The following ANK3 variants were observed in gnomAD, a reference collection of about 807,000 sequenced individuals.
ANK3 encodes the protein ankyrin-3.
Under a neutral mutation model 370.9 loss-of-function variants are expected in ANK3, and 57 were observed. That is an observed-to-expected ratio of 0.15 (90% confidence interval 0.12 to 0.19). The LOEUF (loss-of-function observed/expected upper bound fraction) is 0.19. ANK3 is among the 10% of genes least tolerant of loss of function. The pLI is 1.00. For synonymous variants in ANK3, 1,929 were observed against 1,946.3 expected, an observed-to-expected ratio of 0.99 and a Z score of 0.23; for missense variants, 4,439 against 5,302.1, an observed-to-expected ratio of 0.84 and a Z score of 5.06.
intron 2 of ANK3, among the ~76,000 whole-genome samples, chr10:60,438,163 T>C (rs1366605928): frequency 1.3e-5 from 2 of 152,086 alleles, no homozygotes; most frequent in Non-Finnish European, 2.9e-5. Flanking sequence ...GGAACACACC[T>C]AGCTTAAACA....
At position 60,075,223 on chromosome 10, in the gene ANK3, G is replaced by C. The variant is rs2083508954; in HGVS notation, c.5658C>G (p.Ala1886=). 1.2e-6 allele frequency: 2 copies of C among 1,613,942 alleles called. No individual in the cohort carries two copies. Among genetic ancestry groups the C allele is most frequent in the Admixed American group, 3.3e-5 (2 of 59,990 alleles). The part of the protein sequence containing the change: ...VKSSLFLAPS[A]LKLSTPSSLS... Reference sequence around the variant, plus strand: ...AAGAAGATGGTGTAGACAACTTAAGGGCAGAGGGTGCAAGGAACAAAGATG... The same window carrying C: ...AAGAAGATGGTGTAGACAACTTAAGCGCAGAGGGTGCAAGGAACAAAGATG... The change falls in exon 37 of 44, where the codon GCC becomes GCG. Residue 1886 remains alanine, a synonymous_variant. Transcript: ENST00000280772.
At chr10:60,076,521 G>GA (rs1358826907) in intron 36 of ANK3, 73 bp from the exon 37 acceptor site, 5 of 1,481,450 alleles carry the variant, frequency 3.4e-6, no homozygotes, top group South Asian at 1.5e-5. Context: ...AGAGACCAGA[G>GA]AAAAAAATTG....
intron 2 of ANK3, among the ~76,000 whole-genome samples, chr10:60,542,350 G>A (rs1273692462): frequency 2.0e-5 from 3 of 151,576 alleles, no homozygotes; most frequent in African/African-American, 4.8e-5. Context: ...CCTTACTTTG[G>A]GAATGACATT....
chr10:60,060,041 G>A (rs752356485), intron 40 of ANK3: 1 of 1,476,706 alleles, frequency 6.8e-7, no homozygotes, highest in Non-Finnish European at 9.1e-7. Context: ...TGACTGGAAT[G>A]AATTAGAATA....
intron 1 of ANK3, among the ~76,000 whole-genome samples, chr10:60,674,036 T>C (rs575762924): frequency 6.6e-6 from 1 of 152,170 alleles, no homozygotes; most frequent in Non-Finnish European, 1.5e-5. Flanking sequence ...GAGCCATAAA[T>C]GTTTAGTAGC....
Position 60,076,050 on chromosome 10 carries a change from A to C in ANK3, c.4831T>G (p.Leu1611Val), listed in dbSNP as rs1208643681. The C allele has an allele frequency of 2.5e-6, 4 of 1,614,078 alleles. No homozygotes were observed. The highest frequency in any genetic ancestry group is 3.4e-6 in the Non-Finnish European group (4 of 1,180,020). Residue 1611 changes from leucine to valine, a missense_variant, in exon 37 of 44, where the codon TTA becomes GTA. By Grantham distance (32) the Leu-to-Val change is conservative (BLOSUM62 1). Transcript: ENST00000280772. ...RAPAVTEATPLKGLASNSTFS... is the reference protein window; with the variant it reads ...RAPAVTEATPVKGLASNSTFS... ...GTAGAATTGGATGCCAGCCCTTTTA[A>C]GGGCGTAGCTTCCGTGACTGCTGGA...
In ANK3 at chr10:60,059,528, A is replaced by G. The variant is rs551070454; in HGVS notation, c.12596-98T>C. 8.7e-5 allele frequency: 110 copies of G among 1,260,442 alleles called. No individual in the cohort carries two copies. In the African/African-American group the frequency reaches 1.4e-3, roughly 16 times the overall value. 78.1% of individuals were successfully genotyped at this position (1,260,442 alleles called of 1,614,324 possible). A position where few individuals can be genotyped will look rare whatever the true frequency, so the allele number is the denominator to read the frequency against. Reference sequence around the variant, plus strand: ...TCTCCTCAGACTCTACTCCTTCTTCAAGTTGAATGTCCTCAAATAGAGATT... The same window carrying G: ...TCTCCTCAGACTCTACTCCTTCTTCGAGTTGAATGTCCTCAAATAGAGATT... On this transcript the variant is annotated intron_variant, in intron 40 of 43. Coordinates refer to ENST00000280772, the MANE Select transcript of ANK3 (RefSeq NM_020987.5).
At chr10:60,237,606 T>A (rs1413705805) in intron 7 of ANK3, among the ~76,000 whole-genome samples, 1 of 152,010 alleles carries the variant, frequency 6.6e-6, no homozygotes, top group Non-Finnish European at 1.5e-5. Flanking sequence ...TCTCTTTTTT[T>A]TAAATTTAAT....
chr10:60,426,082 G>T (rs1181247646), intron 2 of ANK3, among the ~76,000 whole-genome samples: 1 of 151,990 alleles, frequency 6.6e-6, no homozygotes, highest in Non-Finnish European at 1.5e-5. Context: ...AGCTTGAAGT[G>T]GTATACAAAT....
chr10:60,382,983 A>G (rs917621511), intron 1 of ANK3, among the ~76,000 whole-genome samples: 15 of 152,086 alleles, frequency 9.9e-5, no homozygotes, highest in African/African-American at 3.4e-4. Context: ...AACTTTCAAC[A>G]TCTCAAAAGT....
At chr10:60,698,650 G>A (rs960345487) in intron 1 of ANK3, among the ~76,000 whole-genome samples, 1 of 145,218 alleles carries the variant, frequency 6.9e-6, no homozygotes, top group Non-Finnish European at 1.5e-5. Flanking sequence ...ACTATCGCAA[G>A]AACAAAAAAC....
At chr10:60,312,001 A>G (rs2046449943) in intron 1 of ANK3, among the ~76,000 whole-genome samples, 1 of 152,208 alleles carries the variant, frequency 6.6e-6, no homozygotes, top group Non-Finnish European at 1.5e-5. Context: ...CATCTTGTGA[A>G]CAGTACCAGG....
intron 37 of ANK3, 55 bp downstream of exon 37, chr10:60,068,582 C>A: frequency 6.6e-7 from 1 of 1,516,548 alleles, no homozygotes; most frequent in South Asian, 1.3e-5. Flanking sequence ...AAACTATGCT[C>A]GTTCTCCAGG....
chr10:60,260,661 G>C (rs868560199), intron 7 of ANK3, among the ~76,000 whole-genome samples: 7 of 152,168 alleles, frequency 4.6e-5, no homozygotes, highest in Admixed American at 1.3e-4. Context: ...TCTGCTTGGT[G>C]CTGTCCTTGT....
chr10:60,491,465 G>A (rs974102354), intron 2 of ANK3, among the ~76,000 whole-genome samples: 6 of 152,186 alleles, frequency 3.9e-5, no homozygotes, highest in Non-Finnish European at 7.4e-5. Flanking sequence ...TGAGAGAAAT[G>A]TTGACTCATT....
At chr10:60,238,678 A>T (rs1157476530) in intron 7 of ANK3, among the ~76,000 whole-genome samples, 3 of 152,022 alleles carry the variant, frequency 2.0e-5, no homozygotes, top group Admixed American at 2.0e-4. Context: ...AAATTCTCTG[A>T]TGCCCCAGAC....
At chr10:60,499,141 T>C (rs575215274) in intron 2 of ANK3, among the ~76,000 whole-genome samples, 1 of 152,292 alleles carries the variant, frequency 6.6e-6, no homozygotes, top group South Asian at 2.1e-4. Flanking sequence ...CCCTCAGAGG[T>C]TCTAGTAGCC....
rs897789131 is a variant in ANK3, at chr10:60,696,320, G to T, written c.57+36943C>A. ...GGATTCACAGCCGAATTCTACCAGA[G>T]GTACAAGGAGGAGCTGGTACCATTC... On this transcript the variant is annotated intron_variant, in intron 1 of 43. Coordinates refer to the ANK3 transcript ENST00000373827. Among the ~76,000 whole-genome samples the T allele has an allele frequency of 4.3e-4, 64 of 149,014 alleles. 5 individuals are homozygous for T. Among genetic ancestry groups the T allele is most frequent in the African/African-American group, 1.6e-3 (62 of 39,904 alleles).
At chr10:60,059,522 T>C in intron 40 of ANK3, 92 bp from the exon 41 acceptor site, 1 of 1,277,580 alleles carries the variant, frequency 7.8e-7, no homozygotes, top group Non-Finnish European at 1.1e-6. Flanking sequence ...ACTCTACTCC[T>C]TCTTCAAGTT....
Sources: gnomAD v4.1 joint callset for allele counts (sites outside exome capture counted in the v4.1 genomes callset) on GRCh38, gnomAD v4.1.1 for gene constraint, MANE v1.5 for transcripts, NCBI Gene and HGNC (gene_info 2026-07-23, HGNC 2026-07-21) for gene names.